Variants in PTPRD observed in about 807,000 individuals in gnomAD.
PTPRD encodes protein tyrosine phosphatase receptor type D, also known as receptor-type tyrosine-protein phosphatase delta.
Under a neutral mutation model 214.5 loss-of-function variants are expected in PTPRD, and 34 were observed. The ratio of observed to expected loss-of-function variants is 0.16; its 90% confidence interval spans 0.12 to 0.21. The LOEUF (loss-of-function observed/expected upper bound fraction) is 0.21. Among genes scored for constraint, PTPRD ranks in the 10% least tolerant of loss-of-function variants. The pLI is 1.00. For synonymous variants in PTPRD, 1,128 were observed against 845.7 expected (o/e 1.33, Z -5.79); for missense variants, 2,545 against 2,398.7 (o/e 1.06, Z -1.27).
intron 3 of PTPRD, among the ~76,000 whole-genome samples, chr9:10,289,616 G>C (rs921396837): frequency 1.3e-5 from 2 of 151,950 alleles, no homozygotes; most frequent in African/African-American, 2.4e-5. Context: ...AAAAAGAAGA[G>C]AAAAAGAAAA....
At chr9:8,897,680 A>G (rs1305773034) in intron 11 of PTPRD, among the ~76,000 whole-genome samples, 1 of 152,160 alleles carries the variant, frequency 6.6e-6, no homozygotes, top group Non-Finnish European at 1.5e-5. Context: ...TGATGGAAAG[A>G]CCTGGCCAGA....
chr9:8,661,250 A>G (rs2154354397), intron 12 of PTPRD, among the ~76,000 whole-genome samples: 1 of 152,210 alleles, frequency 6.6e-6, no homozygotes, highest in East Asian at 1.9e-4. Flanking sequence ...GAAAATCCTA[A>G]AGGAGAAATC....
chr9:8,503,342 A>G lies in PTPRD; in HGVS notation c.1822+919T>C, dbSNP rs559568003. On this transcript the variant is annotated intron_variant, in intron 23 of 45. Coordinates refer to ENST00000381196, the MANE Select transcript of PTPRD (RefSeq NM_002839.4). ...AAAATTCAATGTATTTCTACTACAG[A>G]TATCTATTGTATAATTCACTATGTC... Among the ~76,000 whole-genome samples the G allele has an allele frequency of 1.1e-3, 164 of 152,294 alleles. 1 individual carries two copies. The highest frequency in any genetic ancestry group is 2.0e-3 in the Non-Finnish European group (138 of 68,000).
At chr9:9,430,869 G>T (rs547626339) in intron 8 of PTPRD, among the ~76,000 whole-genome samples, 25 of 152,110 alleles carry the variant, frequency 1.6e-4, no homozygotes, top group Non-Finnish European at 3.1e-4. Flanking sequence ...GCTGAAACTG[G>T]ATCCCTTCCT....
chr9:10,503,982 G>A (rs1396429006), intron 2 of PTPRD, among the ~76,000 whole-genome samples: 4 of 151,216 alleles, frequency 2.6e-5, no homozygotes, highest in Non-Finnish European at 5.9e-5. Flanking sequence ...CGGGCGTGGT[G>A]GCGGGCGCCT....
intron 11 of PTPRD, among the ~76,000 whole-genome samples, chr9:8,824,376 C>T (rs751756903): frequency 2.1e-4 from 32 of 152,038 alleles, no homozygotes; most frequent in Non-Finnish European, 3.4e-4. Flanking sequence ...CAAATAGGGG[C>T]GATGATATTT....
chr9:9,946,640 C>G (rs1192224681), intron 4 of PTPRD, among the ~76,000 whole-genome samples: 9 of 145,276 alleles, frequency 6.2e-5, no homozygotes, highest in Admixed American at 6.0e-4. Flanking sequence ...GCTCCCCCAA[C>G]CCTCCTGCAT....
chr9:9,407,937 C>G (rs913788022), intron 8 of PTPRD, among the ~76,000 whole-genome samples: 2 of 151,526 alleles, frequency 1.3e-5, no homozygotes, highest in Admixed American at 1.3e-4. Flanking sequence ...TTTTTTAAAA[C>G]CCAAATACTT....
intron 11 of PTPRD, among the ~76,000 whole-genome samples, chr9:8,993,661 T>C (rs2099386157): frequency 6.6e-6 from 1 of 152,172 alleles, no homozygotes; most frequent in Non-Finnish European, 1.5e-5. Flanking sequence ...ATCTTATGTA[T>C]CTTAGAATTT....
intron 11 of PTPRD, among the ~76,000 whole-genome samples, chr9:9,001,433 C>T (rs1005970048): frequency 2.0e-5 from 3 of 151,878 alleles, no homozygotes; most frequent in African/African-American, 7.3e-5. Flanking sequence ...GATTTAGGAC[C>T]CCAACATAGC....
intron 9 of PTPRD, among the ~76,000 whole-genome samples, chr9:9,326,135 T>A (rs571366516): frequency 6.6e-6 from 1 of 152,164 alleles, no homozygotes; most frequent in East Asian, 1.9e-4. Context: ...GATATAACTA[T>A]GAGGGTTGAG....
chr9:10,100,235 C>T (rs1336339522), intron 3 of PTPRD, among the ~76,000 whole-genome samples: 2 of 151,634 alleles, frequency 1.3e-5, no homozygotes, highest in Admixed American at 6.6e-5. Context: ...ATGTTTAGTA[C>T]ATAGCATTTC....
chr9:9,178,671 T>C (rs181799354), intron 10 of PTPRD, among the ~76,000 whole-genome samples: 186 of 152,238 alleles, frequency 1.2e-3, no homozygotes, highest in African/African-American at 3.4e-3. Context: ...TCAACCTCCA[T>C]ACAAGTCATT....
At chr9:9,043,779 C>T (rs1033480945) in intron 10 of PTPRD, among the ~76,000 whole-genome samples, 1 of 151,964 alleles carries the variant, frequency 6.6e-6, no homozygotes, top group Admixed American at 6.6e-5. Context: ...TGGTTTGTGC[C>T]TGTAGTCCCA....
chr9:9,548,323 T>G (rs571753578), intron 8 of PTPRD, among the ~76,000 whole-genome samples: 1 of 151,582 alleles, frequency 6.6e-6, no homozygotes, highest in African/African-American at 2.4e-5. Flanking sequence ...TGTAAGCTAA[T>G]CATTCAATTA....
At chr9:10,312,255 T>C (rs1256917764) in intron 3 of PTPRD, among the ~76,000 whole-genome samples, 1 of 152,028 alleles carries the variant, frequency 6.6e-6, no homozygotes, top group African/African-American at 2.4e-5. Context: ...AAGTAAATTA[T>C]TTCTGCATAT....
intron 10 of PTPRD, among the ~76,000 whole-genome samples, chr9:9,054,208 T>G (rs996982016): frequency 6.6e-6 from 1 of 152,170 alleles, no homozygotes; most frequent in African/African-American, 2.4e-5. Context: ...TTTTACATAG[T>G]GCAAAATTGG....
intron 10 of PTPRD, among the ~76,000 whole-genome samples, chr9:9,160,868 T>G (rs866714662): frequency 5.3e-5 from 8 of 152,182 alleles, no homozygotes; most frequent in Non-Finnish European, 7.4e-5. Context: ...AATTCTGTCA[T>G]TTTCAACAAC....
In PTPRD at chr9:9,492,788, C is replaced by G. The variant is rs140832591; in HGVS notation, c.-237+81944G>C. 3.5e-3 allele frequency among the ~76,000 whole-genome samples: 535 copies of G among 151,110 alleles called. 5 individuals carry two copies. The highest frequency in any genetic ancestry group is 0.012 in the African/African-American group (503 of 41,114). ...AAGCAAGTCTATAAATGCCATTTTT[C>G]CAAAAGCACGTGCTCACTTTTTGTT... On this transcript the variant is annotated intron_variant, in intron 8 of 45. Coordinates refer to ENST00000381196, the MANE Select transcript of PTPRD (RefSeq NM_002839.4).
Sources: gnomAD v4.1 joint callset for allele counts (sites outside exome capture counted in the v4.1 genomes callset) on GRCh38, gnomAD v4.1.1 for gene constraint, MANE v1.5 for transcripts, NCBI Gene and HGNC (gene_info 2026-07-23, HGNC 2026-07-21) for gene names.